The following FFAR1 variants were observed in gnomAD, a reference collection of about 807,000 sequenced individuals.
FFAR1 encodes free fatty acid receptor 1, also known as G-protein coupled receptor 40.
For missense variants in FFAR1, 424 were observed against 396.2 expected (o/e 1.07, Z -0.60); for synonymous variants, 216 against 201.5 (o/e 1.07, Z -0.61).
chr19:35,352,061 C>T (rs1233708837), exon 1 of FFAR1: 1 of 1,613,534 alleles, frequency 6.2e-7, no homozygotes, highest in African/African-American at 1.3e-5. Flanking sequence ...CTCCGGTCTG[C>T]CTGGAGGCCT....
At chr19:35,352,284 G>C (rs1179145272) in exon 1 of FFAR1, 6 of 1,552,056 alleles carry the variant, frequency 3.9e-6, no homozygotes, top group African/African-American at 1.4e-5. Flanking sequence ...CGCCTCCAAC[G>C]TGGCCAGCTT....
chr19:35,348,408 A>G (rs796996438), upstream of FFAR1, among the ~76,000 whole-genome samples: 14 of 152,330 alleles, frequency 9.2e-5, no homozygotes, highest in African/African-American at 3.4e-4. Context: ...AGACCAGCCT[A>G]GCCAACATGG....
In FFAR1 at chr19:35,351,841, TG is replaced by T. The variant is rs2066946196; in HGVS notation, c.292del (p.Ala98ProfsTer3). The T allele has an allele frequency of 6.2e-7, 1 of 1,611,900 alleles. No homozygotes were observed. Among genetic ancestry groups the T allele is most frequent in the Admixed American group, 1.7e-5 (1 of 59,808 alleles). On this transcript the variant is annotated frameshift_variant, in exon 1 of 1. Transcript: ENST00000246553. LOFTEE classifies it low-confidence loss of function (END_TRUNC). The stretch of plus-strand genomic sequence containing the variant: ...CCACTCTATGCCGGCGGGGGCTTCC[TG>T]GCCGCCCTGAGTGCAGGCCGCTACC...
exon 1 of FFAR1, chr19:35,352,832 A>C: frequency 6.5e-6 from 2 of 307,392 alleles, no homozygotes; most frequent in African/African-American, 2.1e-5. Flanking sequence ...CCGGTGATGC[A>C]CTTGAGGACA....
At chr19:35,350,202 C>T (rs1341456850), upstream of FFAR1, among the ~76,000 whole-genome samples, 2 of 152,206 alleles carry the variant, frequency 1.3e-5, no homozygotes, top group African/African-American at 4.8e-5. Flanking sequence ...TTCCTCCTCC[C>T]GCTCCTTCCT....
At chr19:35,351,745 A>G (rs772053681) in exon 1 of FFAR1, 2 of 1,563,726 alleles carry the variant, frequency 1.3e-6, no homozygotes, top group Non-Finnish European at 1.7e-6. Context: ...AAGGCGGTGG[A>G]GGCGCTAGCC....
At position 35,352,068 on chromosome 19, in the gene FFAR1, G is replaced by A. The variant is rs372751491; in HGVS notation, c.517G>A (p.Ala173Thr). The change falls in exon 1 of 1, where the codon GCC becomes ACC. Residue 173 changes from alanine (A) to threonine (T), a missense_variant. Ala to Thr is a moderately conservative substitution (Grantham distance 58). Transcript: ENST00000246553. Reference sequence around the variant, plus strand: ...CAACGGCTCTCCGGTCTGCCTGGAGGCCTGGGACCCGGCCTCTGCCGGCCC... The same window carrying A: ...CAACGGCTCTCCGGTCTGCCTGGAGACCTGGGACCCGGCCTCTGCCGGCCC... 11 of 1,613,344 alleles carry A rather than the reference G, an allele frequency of 6.8e-6. No individual in the cohort carries two copies. In the African/African-American group the frequency reaches 1.5e-4, roughly 22 times the overall value.
At chr19:35,353,527 T>C (rs2066953957) in exon 1 of FFAR1, 1 of 152,212 alleles carries the variant, frequency 6.6e-6, no homozygotes, top group Non-Finnish European at 1.5e-5. Context: ...GTTATATATA[T>C]TATGTGCTGT....
chr19:35,351,800 G>T (rs770404949), exon 1 of FFAR1: 3 of 1,600,186 alleles, frequency 1.9e-6, no homozygotes, highest in Admixed American at 1.7e-5. Context: ...CCGTCTTCGC[G>T]GTGGCCCACT....
upstream of FFAR1, chr19:35,351,427 TA>T (rs1467675354): frequency 1.1e-5 from 9 of 809,354 alleles, no homozygotes; most frequent in Non-Finnish European, 1.2e-5. Context: ...AGGTGAATTG[TA>T]ATTCTCCACA....
exon 1 of FFAR1, chr19:35,351,716 G>T: frequency 6.4e-7 from 1 of 1,565,622 alleles, no homozygotes; most frequent in Non-Finnish European, 8.6e-7. Flanking sequence ...ACCTGCTGCT[G>T]ACAGTCTCTC....
exon 1 of FFAR1, chr19:35,352,414 T>C: frequency 6.4e-7 from 1 of 1,554,778 alleles, no homozygotes; most frequent in Non-Finnish European, 8.7e-7. Context: ...CTGAAGACAG[T>C]GTGTGCGGCA....
chr19:35,348,075 G>T (rs10426830), upstream of FFAR1, among the ~76,000 whole-genome samples: 13,022 of 152,232 alleles, frequency 0.086, 675 homozygotes, highest in South Asian at 0.22. Context: ...AGAGGGCAGG[G>T]GTGTAATTAT....
upstream of FFAR1, among the ~76,000 whole-genome samples, chr19:35,349,305 G>A (rs2066934851): frequency 6.6e-6 from 1 of 152,224 alleles, no homozygotes; most frequent in South Asian, 2.1e-4. Context: ...AAGGCCCTCG[G>A]AGAAGGTGAC....
exon 1 of FFAR1, chr19:35,351,925 G>A (rs923079982): frequency 6.2e-7 from 1 of 1,614,006 alleles, no homozygotes; most frequent in East Asian, 2.2e-5. Flanking sequence ...TATTCCTGGG[G>A]GGTGTGCGCG....
chr19:35,350,289 C>T (rs1201329112), upstream of FFAR1, among the ~76,000 whole-genome samples: 1 of 152,208 alleles, frequency 6.6e-6, no homozygotes, highest in Non-Finnish European at 1.5e-5. Context: ...GCCCTCCTCG[C>T]AAAAACTAAA....
chr19:35,351,529 G>C (rs1226743388), upstream of FFAR1: 3 of 1,537,956 alleles, frequency 2.0e-6, no homozygotes, highest in South Asian at 3.6e-5. Flanking sequence ...CACAGGAGCC[G>C]TGCAGGCCAG....
chr19:35,351,415 C>A, upstream of FFAR1: 1 of 741,974 alleles, frequency 1.3e-6, no homozygotes. Flanking sequence ...CCTGATCCCA[C>A]CAGGTGAATT....
upstream of FFAR1, chr19:35,351,407 T>G: frequency 1.4e-6 from 1 of 716,678 alleles, no homozygotes; most frequent in South Asian, 1.7e-5. Flanking sequence ...GTTTCCTCCC[T>G]GATCCCACCA....
Sources: allele counts gnomAD v4.1 joint callset (sites outside exome capture counted in the v4.1 genomes callset), GRCh38; gene constraint gnomAD v4.1.1; transcripts MANE v1.5; gene names NCBI Gene and HGNC (gene_info 2026-07-23, HGNC 2026-07-21).